PDE1C: variants seen among roughly 807,000 people sequenced by gnomAD.
PDE1C encodes phosphodiesterase 1C, also known as dual specificity calcium/calmodulin-dependent 3',5'-cyclic nucleotide phosphodiesterase 1C.
A neutral mutation model predicts 93.1 loss-of-function variants in PDE1C; 62 were observed. The observed-to-expected ratio is 0.67, with a 90% CI of 0.54 to 0.82. The LOEUF is 0.82. PDE1C is among the 40% of genes least tolerant of loss of function. PDE1C has a pLI of 0.00. For missense variants in PDE1C, 742 were observed against 884.6 expected, an observed-to-expected ratio of 0.84 and a Z score of 2.04; for synonymous variants, 325 against 310.1, an observed-to-expected ratio of 1.05 and a Z score of -0.50.
chr7:31,809,610 T>C lies in PDE1C; in HGVS notation c.1814-502A>G, dbSNP rs559496535. 2.0e-5 allele frequency among the ~76,000 whole-genome samples: 3 copies of C among 152,204 alleles called. No homozygotes were observed. The South Asian group carries it at 6.2e-4, about 32-fold the overall frequency. On this transcript the variant is annotated intron_variant, in intron 15 of 17. Coordinates refer to ENST00000396191, the MANE Select transcript of PDE1C (RefSeq NM_001191057.4). ...CTTGTCAAAATGTAGTTTGTAAAAGTTGTAAAATGCTATTCTTAGAACACG... is the reference window on the plus strand; with the variant it reads ...CTTGTCAAAATGTAGTTTGTAAAAGCTGTAAAATGCTATTCTTAGAACACG...
intron 2 of PDE1C, among the ~76,000 whole-genome samples, chr7:32,044,052 C>T (rs935669660): frequency 6.6e-6 from 1 of 152,150 alleles, no homozygotes; most frequent in South Asian, 2.1e-4. Context: ...ATCTGTCATG[C>T]CCAATGCTTT....
intron 3 of PDE1C, among the ~76,000 whole-genome samples, chr7:32,132,187 G>A (rs1054672004): frequency 1.3e-5 from 2 of 152,100 alleles, no homozygotes; most frequent in Admixed American, 6.6e-5. Context: ...GTAGAGCCAA[G>A]GCACAGAAAG....
At position 31,828,366 on chromosome 7, in the gene PDE1C, C is replaced by T; in HGVS notation, c.1211G>A (p.Arg404Lys). Reference protein sequence around the residue: ...LLEEFFRQGDREAELGLPFSP... With the variant: ...LLEEFFRQGDKEAELGLPFSP... ...AAAAGGCAGCCCCAGCTCTGCTTCT[C>T]TGTCACCCTGGAAAAATAAAAGGTC... The change falls in exon 12 of 18, where the codon AGA becomes AAA. Residue 404 changes from arginine to lysine, a missense_variant. Coordinates refer to ENST00000396191, the MANE Select transcript of PDE1C (RefSeq NM_001191057.4). 6 of 1,612,046 alleles carry T rather than the reference C, an allele frequency of 3.7e-6. No individual in the cohort carries two copies. The highest frequency in any genetic ancestry group is 5.1e-6 in the Non-Finnish European group (6 of 1,178,574).
At position 31,804,818 on chromosome 7, in the gene PDE1C, T is replaced by C. The variant is rs1459935488; in HGVS notation, c.1891+4213A>G. Among the ~76,000 whole-genome samples, 4 of 151,790 alleles carry C rather than the reference T, an allele frequency of 2.6e-5. No homozygotes were observed. The East Asian group carries it at 7.8e-4, about 30-fold the overall frequency. On this transcript the variant is annotated intron_variant, in intron 16 of 17. Transcript: ENST00000396191. Reference sequence around the variant, plus strand: ...GTCAATCTGATAAACGAGGTGGCTATTAAGTGACAGGTGGGTAGTAAGTAG... The same window carrying C: ...GTCAATCTGATAAACGAGGTGGCTACTAAGTGACAGGTGGGTAGTAAGTAG...
intron 1 of PDE1C, among the ~76,000 whole-genome samples, chr7:32,268,398 A>G (rs372858048): frequency 1.3e-5 from 2 of 152,160 alleles, no homozygotes; most frequent in African/African-American, 4.8e-5. Flanking sequence ...GACTAATGAT[A>G]CCTTTCTTTC....
At chr7:31,860,558 G>A (rs1455069409) in intron 7 of PDE1C, among the ~76,000 whole-genome samples, 1 of 151,950 alleles carries the variant, frequency 6.6e-6, no homozygotes, top group African/African-American at 2.4e-5. Context: ...TTAATTGCCT[G>A]CTCATACTGT....
At chr7:31,828,451 C>T in intron 11 of PDE1C, 78 bp from the exon 12 acceptor site, 2 of 884,536 alleles carry the variant, frequency 2.3e-6, no homozygotes, top group Non-Finnish European at 3.7e-6. Context: ...ACTTCTGCCG[C>T]CACGGAGGCC....
intron 3 of PDE1C, among the ~76,000 whole-genome samples, chr7:32,160,073 C>A (rs1022390264): frequency 2.6e-5 from 4 of 152,044 alleles, no homozygotes; most frequent in Admixed American, 2.6e-4. Context: ...TAAAGCACAG[C>A]CACAGGAGGA....
At chr7:32,315,336 T>C (rs1783146053) in intron 1 of PDE1C, among the ~76,000 whole-genome samples, 1 of 151,662 alleles carries the variant, frequency 6.6e-6, no homozygotes. Context: ...TTAAAAAATA[T>C]TTAAATTGTG....
intron 1 of PDE1C, among the ~76,000 whole-genome samples, chr7:32,061,618 G>C (rs987171888): frequency 6.6e-6 from 1 of 152,222 alleles, no homozygotes; most frequent in African/African-American, 2.4e-5. Flanking sequence ...CCTCCCAGAA[G>C]GTCCGTGATG....
chr7:31,823,184 T>G lies in PDE1C; in HGVS notation c.1471A>C (p.Ser491Arg). 6.2e-7 allele frequency: 1 copy of G among 1,613,346 alleles called. No homozygotes were observed. Among genetic ancestry groups the G allele is most frequent in the South Asian group, 1.1e-5 (1 of 91,024 alleles). ...ATGACAGAATTGTTGATCGGGGCAC[T>G]TCCCTCTGAACCAGAGGTCTTGACA... is the stretch of plus-strand genomic sequence containing the variant. ...SGVKTSGSEGSAPINNSVISV... is the reference protein window; with the variant it reads ...SGVKTSGSEGRAPINNSVISV... Residue 491 changes from serine (S) to arginine (R), a missense_variant, in exon 14 of 18, where the codon AGT becomes CGT. Around this residue, in one of 4 missense-constraint regions of PDE1C, gnomAD observed 454 missense variants for 459.4 expected, o/e 0.99. Coordinates refer to ENST00000396191, the MANE Select transcript of PDE1C (RefSeq NM_001191057.4).
chr7:32,017,517 A>T (rs1788065962), intron 2 of PDE1C, among the ~76,000 whole-genome samples: 1 of 152,168 alleles, frequency 6.6e-6, no homozygotes, highest in Non-Finnish European at 1.5e-5. Flanking sequence ...TCAAAATTAA[A>T]ACATTTTGTG....
intron 4 of PDE1C, 21 bp downstream of exon 4, chr7:31,878,975 G>A (rs1796932740): frequency 5.0e-6 from 8 of 1,602,422 alleles, no homozygotes; most frequent in South Asian, 2.2e-5. Flanking sequence ...GTCACTAAAT[G>A]ACAATGAATG....
the PDE1C span, among the ~76,000 whole-genome samples, chr7:31,662,959 A>T: frequency 9.2e-5 from 14 of 152,256 alleles, no homozygotes; most frequent in African/African-American, 3.1e-4. Context: ...TGCATGCAGG[A>T]TGTAGTCTTA....
At chr7:32,014,702 C>G (rs1370880989) in intron 2 of PDE1C, among the ~76,000 whole-genome samples, 1 of 152,108 alleles carries the variant, frequency 6.6e-6, no homozygotes, top group African/African-American at 2.4e-5. Flanking sequence ...TGAGTGAGAA[C>G]ATGCAGTGTT....
At chr7:32,087,056 A>T (rs566750704) in intron 3 of PDE1C, among the ~76,000 whole-genome samples, 1 of 152,294 alleles carries the variant, frequency 6.6e-6, no homozygotes, top group Non-Finnish European at 1.5e-5. Context: ...CTACCATCAG[A>T]GTGAACAGGC....
At chr7:31,763,860 C>T (rs1436972166) in intron 17 of PDE1C, among the ~76,000 whole-genome samples, 1 of 151,958 alleles carries the variant, frequency 6.6e-6, no homozygotes, top group Non-Finnish European at 1.5e-5. Flanking sequence ...TCTCACCACA[C>T]AATGAAGAGA....
the PDE1C span, among the ~76,000 whole-genome samples, chr7:31,628,961 T>G: frequency 4.6e-5 from 7 of 152,154 alleles, no homozygotes; most frequent in Non-Finnish European, 1.0e-4. Context: ...AAAAAACATT[T>G]GGACTGGTTA....
chr7:31,701,760 CCTCT>C, the PDE1C span, among the ~76,000 whole-genome samples: 4 of 152,208 alleles, frequency 2.6e-5, no homozygotes, highest in African/African-American at 7.2e-5. Context: ...TTGAGGCAAG[CCTCT>C]CTAAGACTCA....
Sources: allele counts gnomAD v4.1 joint callset (sites outside exome capture counted in the v4.1 genomes callset), GRCh38; gene constraint gnomAD v4.1.1; regional missense constraint gnomAD v4.1.1; transcripts MANE v1.5; gene names NCBI Gene and HGNC (gene_info 2026-07-23, HGNC 2026-07-21).